The following CELF2 variants were observed in gnomAD, a reference collection of about 807,000 sequenced individuals.
The protein encoded by CELF2 is CUG triplet repeat RNA-binding protein 2.
A neutral mutation model predicts 62.6 loss-of-function variants in CELF2; 8 were observed. That is an observed-to-expected ratio of 0.13 (90% CI 0.07 to 0.23). The LOEUF is 0.23. Among genes scored for constraint, CELF2 ranks in the 10% least tolerant of loss-of-function variants. The pLI is 1.00. For synonymous variants in CELF2, 258 were observed against 250.0 expected (o/e 1.03, Z -0.30); for missense variants, 333 against 671.0 (o/e 0.50, Z 5.56).
the CELF2 span, among the ~76,000 whole-genome samples, chr10:10,536,844 A>G: frequency 4.6e-5 from 7 of 152,356 alleles, no homozygotes; most frequent in Non-Finnish European, 1.0e-4. Flanking sequence ...TGGAGGAACT[A>G]CGGGCATCAG....
Position 10,896,013 on chromosome 10 carries a change from G to C in CELF2, c.54-23951G>C, listed in dbSNP as rs1006354651. Among the ~76,000 whole-genome samples, 5 of 152,308 alleles carry C rather than the reference G, an allele frequency of 3.3e-5. No homozygotes were observed. The South Asian group carries it at 6.2e-4, about 19-fold the overall frequency. On this transcript the variant is annotated intron_variant, in intron 1 of 13. Transcript: ENST00000636488. ...TAAGGTGGCTAGAATTCACAGGAGA[G>C]TACTAGAGAGCTGAGAGCTATGTAG... is the stretch of plus-strand genomic sequence containing the variant.
chr10:10,937,996 T>C (rs1292551076), intron 2 of CELF2, among the ~76,000 whole-genome samples: 2 of 152,224 alleles, frequency 1.3e-5, no homozygotes, highest in African/African-American at 2.4e-5. Context: ...AGCAAAATTC[T>C]TCTCTACTTT....
chr10:11,152,268 G>C (rs1222081164), intron 1 of CELF2, among the ~76,000 whole-genome samples: 4 of 152,198 alleles, frequency 2.6e-5, no homozygotes. Flanking sequence ...AGAACTTTGT[G>C]ACACCTCATT....
chr10:10,520,706 C>T, the CELF2 span, among the ~76,000 whole-genome samples: 2 of 151,996 alleles, frequency 1.3e-5, no homozygotes, highest in Non-Finnish European at 2.9e-5. Context: ...GACGATATTT[C>T]ACAAATACAT....
At chr10:10,889,602 CAT>C (rs900702100) in intron 1 of CELF2, among the ~76,000 whole-genome samples, 2 of 152,230 alleles carry the variant, frequency 1.3e-5, no homozygotes, top group African/African-American at 4.8e-5. Context: ...GTCTCTGACC[CAT>C]GTCAGTCTGA....
At chr10:10,662,074 A>C in the CELF2 span, among the ~76,000 whole-genome samples, 1 of 152,022 alleles carries the variant, frequency 6.6e-6, no homozygotes, top group Non-Finnish European at 1.5e-5. Context: ...TGGAGAGGAG[A>C]ACAGCTGTGA....
At chr10:10,517,990 T>C in the CELF2 span, among the ~76,000 whole-genome samples, 1 of 152,314 alleles carries the variant, frequency 6.6e-6, no homozygotes, top group African/African-American at 2.4e-5. Flanking sequence ...CTGGATTTCA[T>C]TTCCATTGAA....
the CELF2 span, among the ~76,000 whole-genome samples, chr10:10,777,586 G>A: frequency 6.6e-6 from 1 of 152,050 alleles, no homozygotes; most frequent in African/African-American, 2.4e-5. Flanking sequence ...CTCCTCTGCT[G>A]CCTGGGTCAA....
At chr10:10,563,804 G>A in the CELF2 span, among the ~76,000 whole-genome samples, 4 of 152,100 alleles carry the variant, frequency 2.6e-5, no homozygotes, top group Non-Finnish European at 2.9e-5. Flanking sequence ...AGAACAAAAC[G>A]GGGCCTCACC....
the CELF2 span, among the ~76,000 whole-genome samples, chr10:10,684,991 A>C: frequency 1.3e-5 from 2 of 152,312 alleles, no homozygotes; most frequent in South Asian, 4.2e-4. Flanking sequence ...CAAAACCAAC[A>C]AAGACAGGAG....
the CELF2 span, among the ~76,000 whole-genome samples, chr10:10,738,507 G>T: frequency 1.3e-5 from 2 of 152,162 alleles, no homozygotes; most frequent in African/African-American, 4.8e-5. Context: ...GACATGACGA[G>T]AATGCCTCTT....
intron 1 of CELF2, among the ~76,000 whole-genome samples, chr10:11,120,437 A>G (rs1438503532): frequency 6.6e-6 from 1 of 152,162 alleles, no homozygotes; most frequent in Non-Finnish European, 1.5e-5. Context: ...ATGATTGTTG[A>G]ATAACAGAAA....
chr10:10,464,440 G>GA, the CELF2 span, among the ~76,000 whole-genome samples: 5 of 151,680 alleles, frequency 3.3e-5, no homozygotes, highest in African/African-American at 4.8e-5. Context: ...TTTTATTGTG[G>GA]AAAAAAATTC....
chr10:10,646,531 T>C, the CELF2 span, among the ~76,000 whole-genome samples: 37 of 152,318 alleles, frequency 2.4e-4, 1 homozygote, highest in South Asian at 7.1e-3. Flanking sequence ...CAACACTTGG[T>C]AGTGTTAAAT....
intron 2 of CELF2, among the ~76,000 whole-genome samples, chr10:11,173,631 T>G (rs2069791496): frequency 6.6e-6 from 1 of 152,224 alleles, no homozygotes; most frequent in Non-Finnish European, 1.5e-5. Flanking sequence ...GACTGAATTT[T>G]CATCCTTGGA....
intron 1 of CELF2, among the ~76,000 whole-genome samples, chr10:11,089,766 C>T (rs908238642): frequency 2.8e-4 from 43 of 152,126 alleles, no homozygotes; most frequent in African/African-American, 1.0e-3. Flanking sequence ...AGCAAAGACA[C>T]GGAGTCAACC....
At chr10:10,561,766 A>T in the CELF2 span, among the ~76,000 whole-genome samples, 1 of 151,922 alleles carries the variant, frequency 6.6e-6, no homozygotes, top group East Asian at 1.9e-4. Context: ...AGATCCTCCC[A>T]CCCCACCCCT....
chr10:10,664,897 T>G, the CELF2 span, among the ~76,000 whole-genome samples: 1 of 152,242 alleles, frequency 6.6e-6, no homozygotes, highest in African/African-American at 2.4e-5. Context: ...TCACATTTAC[T>G]GTTCGAACTA....
At chr10:11,210,852 A>G (rs985209770) in intron 2 of CELF2, among the ~76,000 whole-genome samples, 1 of 152,268 alleles carries the variant, frequency 6.6e-6, no homozygotes, top group Admixed American at 6.5e-5. Context: ...CCTGCCTTGA[A>G]TTTGATCATT....
Sources: gnomAD v4.1 joint callset for allele counts (sites outside exome capture counted in the v4.1 genomes callset) on GRCh38, gnomAD v4.1.1 for gene constraint, MANE v1.5 for transcripts, NCBI Gene and HGNC (gene_info 2026-07-23, HGNC 2026-07-21) for gene names.